KANSL1L: variants seen among roughly 807,000 people sequenced by gnomAD.
The protein encoded by KANSL1L is KAT8 regulatory NSL complex subunit 1 like.
A neutral mutation model predicts 108.6 loss-of-function variants in KANSL1L; 25 were observed. The observed-to-expected ratio is 0.23, with a 90% CI of 0.17 to 0.32. The LOEUF (loss-of-function observed/expected upper bound fraction) is 0.32, where lower values mean the gene tolerates loss of function less well. Among genes scored for constraint, KANSL1L ranks in the 10% least tolerant of loss-of-function variants. The probability of loss-of-function intolerance (pLI) is 1.00; values close to 1 mark genes in which losing one functional copy is unlikely to be tolerated. For missense variants in KANSL1L, 1,137 were observed against 1,125.7 expected, an observed-to-expected ratio of 1.01 and a Z score of -0.14; for synonymous variants, 405 against 395.1, an observed-to-expected ratio of 1.03 and a Z score of -0.30.
intron 3 of KANSL1L, among the ~76,000 whole-genome samples, chr2:210,127,586 T>C (rs2095077784): frequency 6.6e-6 from 1 of 151,652 alleles, no homozygotes. Flanking sequence ...ATCATTTAAG[T>C]CTAGGAGTTC....
intron 3 of KANSL1L, among the ~76,000 whole-genome samples, chr2:210,111,525 T>C (rs970907315): frequency 2.6e-5 from 4 of 152,122 alleles, no homozygotes; most frequent in Non-Finnish European, 4.4e-5. Context: ...ATGACATTTT[T>C]GAAGGTTATA....
chr2:210,124,621 A>G (rs1575578171), intron 3 of KANSL1L, among the ~76,000 whole-genome samples: 1 of 152,048 alleles, frequency 6.6e-6, no homozygotes. Context: ...TTAAACCAAA[A>G]GCTAGCAGAA....
chr2:210,056,003 G>T (rs2094346033), intron 6 of KANSL1L, among the ~76,000 whole-genome samples: 2 of 152,206 alleles, frequency 1.3e-5, no homozygotes, highest in East Asian at 1.9e-4. Flanking sequence ...CCCATCACAG[G>T]CCTGGAGACT....
intron 3 of KANSL1L, among the ~76,000 whole-genome samples, chr2:210,118,166 C>CA (rs34675432): frequency 0.34 from 33,703 of 98,730 alleles, 4,971 homozygotes; most frequent in Non-Finnish European, 0.41. Context: ...AACTCCATCT[C>CA]AAAAAAAAAA....
intron 2 of KANSL1L, among the ~76,000 whole-genome samples, chr2:210,145,593 A>G (rs893105831): frequency 2.0e-5 from 3 of 152,190 alleles, no homozygotes; most frequent in Non-Finnish European, 4.4e-5. Flanking sequence ...CAGGATACAG[A>G]TTATTCCATA....
chr2:210,097,836 C>T (rs969422188), intron 5 of KANSL1L: 1 of 239,802 alleles, frequency 4.2e-6, no homozygotes, highest in Non-Finnish European at 8.0e-6. Context: ...GTTATCACCA[C>T]TATTCTTTTT....
chr2:210,028,096 T>C (rs1418259972), intron 11 of KANSL1L, among the ~76,000 whole-genome samples: 1 of 152,208 alleles, frequency 6.6e-6, no homozygotes, highest in African/African-American at 2.4e-5. Flanking sequence ...TTCTAAAAAG[T>C]TTGGCTAACG....
chr2:210,027,425 A>G, intron 11 of KANSL1L, 75 bp from the exon 12 acceptor site: 1 of 927,816 alleles, frequency 1.1e-6, no homozygotes, highest in Non-Finnish European at 1.8e-6. Context: ...AGCACAGCTA[A>G]ATGTATTAGT....
chr2:210,092,212 G>A (rs1295471153), intron 5 of KANSL1L, among the ~76,000 whole-genome samples: 1 of 152,136 alleles, frequency 6.6e-6, no homozygotes, highest in East Asian at 1.9e-4. Context: ...AACAGTTCAA[G>A]TAATTTTTCA....
intron 3 of KANSL1L, among the ~76,000 whole-genome samples, chr2:210,124,153 T>C (rs2095045619): frequency 6.6e-6 from 1 of 152,052 alleles, no homozygotes; most frequent in African/African-American, 2.4e-5. Context: ...ATAAACCAAC[T>C]AGATTTAACA....
chr2:210,040,342 T>G, intron 8 of KANSL1L, 78 bp downstream of exon 8: 1 of 730,880 alleles, frequency 1.4e-6, no homozygotes, highest in South Asian at 1.7e-5. Context: ...TAGATTTTAT[T>G]TTTCTTAGAA....
intron 5 of KANSL1L, chr2:210,097,379 T>C: frequency 1.3e-6 from 1 of 771,706 alleles, no homozygotes; most frequent in Non-Finnish European, 1.6e-6. Context: ...TTCTCTATGG[T>C]AATTAAAGCA....
rs549693340 is a variant in KANSL1L at position 210,104,269 on chromosome 2, T to C, written c.1263A>G (p.Pro421=). ...GCATTTGTTTTTTCAAAATATCTTTTGGAAGCTGACATTCTTCTAGGACCA... is the reference window on the plus strand; with the variant it reads ...GCATTTGTTTTTTCAAAATATCTTTCGGAAGCTGACATTCTTCTAGGACCA... The part of the protein sequence containing the change: ...GIVVLEECQL[P]KDILKKQMQF... The change falls in exon 4 of 15, where the codon CCA becomes CCG. Residue 421 remains proline (P), a synonymous_variant. Transcript: ENST00000281772. 59 of 1,613,844 alleles carry C rather than the reference T, an allele frequency of 3.7e-5. No individual in the cohort carries two copies. Among genetic ancestry groups the C allele is most frequent in the South Asian group, 2.1e-4 (19 of 91,072 alleles).
chr2:210,136,929 T>C (rs936189205), intron 2 of KANSL1L, among the ~76,000 whole-genome samples: 4 of 152,192 alleles, frequency 2.6e-5, no homozygotes, highest in Admixed American at 6.5e-5. Flanking sequence ...TAGTTAGACT[T>C]ATTGTGAAGA....
In KANSL1L at chr2:210,098,227, C is replaced by T. The variant is rs368024198; in HGVS notation, c.1429-20G>A. 1 of 1,602,340 alleles carries T rather than the reference C, an allele frequency of 6.2e-7. No individual in the cohort carries two copies. The highest frequency in any genetic ancestry group is 1.7e-5 in the Admixed American group (1 of 57,882). On this transcript the variant is annotated intron_variant, in intron 4 of 14. Transcript: ENST00000281772. ...TGCACTCTGCAAGGAAACAGTCAACCTTTTACTACTGCTAAGCAAGAAATG... is the reference window on the plus strand; with the variant it reads ...TGCACTCTGCAAGGAAACAGTCAACTTTTTACTACTGCTAAGCAAGAAATG...
intron 3 of KANSL1L, among the ~76,000 whole-genome samples, chr2:210,117,295 G>A (rs1294735434): frequency 6.6e-6 from 1 of 152,144 alleles, no homozygotes; most frequent in Non-Finnish European, 1.5e-5. Flanking sequence ...GGCCTTTAAG[G>A]GGAGGAAGAG....
chr2:210,057,774 C>T (rs2094369289), intron 6 of KANSL1L, among the ~76,000 whole-genome samples: 1 of 152,134 alleles, frequency 6.6e-6, no homozygotes. Flanking sequence ...CCACAATCTC[C>T]GAACATAAAT....
chr2:210,027,378 C>CACT lies in KANSL1L; in HGVS notation c.2397-29_2397-28insAGT, dbSNP rs749116856. ...GTTGAAGATAAAAACCAATTTTAAA[C>CACT]AGCTTTTATTTATTTAAATGTGGCA... On this transcript the variant is annotated intron_variant, in intron 11 of 14. Transcript: ENST00000281772. 5.1e-6 allele frequency: 8 copies of CACT among 1,553,938 alleles called. No homozygotes were observed. In the East Asian group the frequency reaches 1.8e-4, roughly 35 times the overall value.
In KANSL1L at chr2:210,118,960, G is replaced by A. The variant is rs188809829; in HGVS notation, c.1230+10071C>T. The stretch of plus-strand genomic sequence containing the variant: ...CGAGGCAGGCAGATCACGAGGTCAA[G>A]AGATTGAGACTATCCTGGCGAACAT... On this transcript the variant is annotated intron_variant, in intron 3 of 14. Coordinates refer to ENST00000281772, the MANE Select transcript of KANSL1L (RefSeq NM_152519.4). Among the ~76,000 whole-genome samples, 898 of 152,144 alleles carry A rather than the reference G, an allele frequency of 5.9e-3. 3 individuals are homozygous for A. Among genetic ancestry groups the A allele is most frequent in the Non-Finnish European group, 8.9e-3 (603 of 68,002 alleles).
Sources: gnomAD v4.1 joint callset for allele counts (sites outside exome capture counted in the v4.1 genomes callset) on GRCh38, gnomAD v4.1.1 for gene constraint, MANE v1.5 for transcripts, NCBI Gene and HGNC (gene_info 2026-07-23, HGNC 2026-07-21) for gene names.